The following FAM193A variants were observed in gnomAD, a reference collection of about 807,000 sequenced individuals.
FAM193A encodes protein FAM193A.
Under a neutral mutation model 126.5 loss-of-function variants are expected in FAM193A, and 22 were observed. The ratio of observed to expected loss-of-function variants is 0.17; its 90% CI spans 0.12 to 0.25. The LOEUF (loss-of-function observed/expected upper bound fraction) is 0.25, where lower values mean the gene tolerates loss of function less well. FAM193A is among the 10% of genes least tolerant of loss of function. The probability of loss-of-function intolerance (pLI) is 1.00; values close to 1 mark genes in which losing one functional copy is unlikely to be tolerated. For missense variants in FAM193A, 1,675 were observed against 1,672.8 expected (o/e 1.00, Z -0.02); for synonymous variants, 761 against 646.8 (o/e 1.18, Z -2.68).
At chr4:2,603,000 G>C (rs1431047391) in intron 2 of FAM193A, among the ~76,000 whole-genome samples, 2 of 98,646 alleles carry the variant, frequency 2.0e-5, no homozygotes, top group Non-Finnish European at 3.5e-5. Flanking sequence ...ACGAAGTCTC[G>C]CTCTATTGCC....
chr4:2,567,194 C>T lies in FAM193A; in HGVS notation c.256-28890C>T, dbSNP rs190482096. Among the ~76,000 whole-genome samples, 507 of 152,016 alleles carry T rather than the reference C, an allele frequency of 3.3e-3. 2 individuals are homozygous for T. Among genetic ancestry groups the T allele is most frequent in the African/African-American group, 0.011 (470 of 41,462 alleles). On this transcript the variant is annotated intron_variant, in intron 1 of 20. Transcript: ENST00000637812. ...CGATCTCCTGACCTCGTGATCCACC[C>T]GCCTTTGCCTCCCAAAGTGCTGGGA...
At position 2,696,561 on chromosome 4, in the gene FAM193A, G is replaced by T. The variant is rs759018767; in HGVS notation, c.3475G>T (p.Ala1159Ser). The T allele has an allele frequency of 6.2e-7, 1 of 1,614,214 alleles. No homozygotes were observed. Among genetic ancestry groups the T allele is most frequent in the East Asian group, 2.2e-5 (1 of 44,878 alleles). The change falls in exon 18 of 21, where the codon GCA becomes TCA. Residue 1159 changes from alanine (A) to serine (S), a missense_variant. By Grantham distance (99) the Ala-to-Ser change is moderately conservative. This residue lies in a region of FAM193A where 415 missense variants were observed against 396.7 expected (regional missense o/e 1.05). Transcript: ENST00000637812. ...AACCAAACCAGTGAGCAGCACGCGT[G>T]CAGCGAAGCGAGCAAGGCATAAGCA... ...SETKPVSSTR[A>S]AKRARHKQRK...
chr4:2,711,550 G>A lies in FAM193A; in HGVS notation c.4373-4473G>A, dbSNP rs570920766. ...CGACGGAGTTTCACCATCTTGGCCA[G>A]GCTGGTCTTGAACTCCTGACCTCAG... On this transcript the variant is annotated intron_variant, in intron 19 of 20. Coordinates refer to ENST00000637812, the MANE Select transcript of FAM193A (RefSeq NM_001366318.2). Among the ~76,000 whole-genome samples the A allele has an allele frequency of 2.2e-4, 34 of 151,268 alleles. No individual in the cohort carries two copies. In the East Asian group the frequency reaches 5.0e-3, roughly 22 times the overall value.
intron 19 of FAM193A, among the ~76,000 whole-genome samples, chr4:2,714,231 C>G (rs1046172552): frequency 1.3e-5 from 2 of 152,118 alleles, no homozygotes; most frequent in Middle Eastern, 3.2e-3. Context: ...CATCAGCAGA[C>G]GGTGTTCTGT....
intron 1 of FAM193A, among the ~76,000 whole-genome samples, chr4:2,566,336 C>T (rs560176664): frequency 3.3e-5 from 5 of 152,244 alleles, no homozygotes; most frequent in South Asian, 2.1e-4. Context: ...CGTGAGCCAC[C>T]GCGCCTGGCC....
chr4:2,638,200 G>A (rs970933606), intron 5 of FAM193A, among the ~76,000 whole-genome samples: 1 of 152,250 alleles, frequency 6.6e-6, no homozygotes, highest in African/African-American at 2.4e-5. Flanking sequence ...TCTTTGTCTT[G>A]TAGCTGAATC....
At chr4:2,655,254 A>C (rs556930072) in intron 7 of FAM193A, 1 of 466,134 alleles carries the variant, frequency 2.1e-6, no homozygotes, top group Non-Finnish European at 3.9e-6. Context: ...AAACAGGAAG[A>C]TGTCAAAATT....
intron 1 of FAM193A, among the ~76,000 whole-genome samples, chr4:2,576,555 C>T (rs1315312264): frequency 6.6e-6 from 1 of 152,130 alleles, no homozygotes; most frequent in Non-Finnish European, 1.5e-5. Context: ...GTCTGGGTGA[C>T]ATAGTGATAC....
chr4:2,683,008 G>T (rs1034381744), intron 13 of FAM193A, among the ~76,000 whole-genome samples: 5 of 152,190 alleles, frequency 3.3e-5, no homozygotes, highest in African/African-American at 9.6e-5. Flanking sequence ...GACATTTCTT[G>T]CAGGGCAGGT....
intron 19 of FAM193A, among the ~76,000 whole-genome samples, chr4:2,702,781 C>T (rs1239326832): frequency 6.6e-6 from 1 of 152,190 alleles, no homozygotes; most frequent in Non-Finnish European, 1.5e-5. Flanking sequence ...TGGAAAACTC[C>T]GGGCATGCTT....
intron 20 of FAM193A, among the ~76,000 whole-genome samples, chr4:2,721,813 T>C (rs983877305): frequency 1.3e-5 from 2 of 152,226 alleles, no homozygotes; most frequent in African/African-American, 4.8e-5. Flanking sequence ...CTAGAGGTTC[T>C]CCTGCATGTC....
Position 2,637,714 on chromosome 4 carries a change from C to T in FAM193A, c.1039-2021C>T, listed in dbSNP as rs557433918. Among the ~76,000 whole-genome samples the T allele has an allele frequency of 7.2e-5, 11 of 152,298 alleles. No homozygotes were observed. The South Asian group carries it at 8.3e-4, about 11-fold the overall frequency. On this transcript the variant is annotated intron_variant, in intron 5 of 20. Transcript: ENST00000637812. ...CTGCAGAGCCCACCCCTGCATGCCC[C>T]GGTCCAGTTATTTGAGCCCCTCTAT...
chr4:2,575,546 A>C (rs1421434052), intron 1 of FAM193A, among the ~76,000 whole-genome samples: 1 of 147,798 alleles, frequency 6.8e-6, no homozygotes, highest in African/African-American at 2.5e-5. Flanking sequence ...GGCTCGCTGC[A>C]ACCTCTGCTT....
rs1330811322 is a variant in FAM193A, at chr4:2,596,062, G to T, written c.256-22G>T. On this transcript the variant is annotated intron_variant, in intron 1 of 20. Coordinates refer to ENST00000637812, the MANE Select transcript of FAM193A (RefSeq NM_001366318.2). ...CTTTGTAGATGAGGTTTTGAAAATAGAATTTTTTTTTTCTATTCCAGACTC... is the reference window on the plus strand; with the variant it reads ...CTTTGTAGATGAGGTTTTGAAAATATAATTTTTTTTTTCTATTCCAGACTC... 4.4e-6 allele frequency: 3 copies of T among 681,162 alleles called. No homozygotes were observed. In the South Asian group the frequency reaches 4.7e-5, roughly 11 times the overall value. The allele number at this position is 681,162 out of a possible 1,614,324, so 42.2% of individuals were successfully genotyped here.
chr4:2,576,682 T>C (rs1000305227), intron 1 of FAM193A, among the ~76,000 whole-genome samples: 24 of 152,216 alleles, frequency 1.6e-4, no homozygotes, highest in African/African-American at 5.8e-4. Context: ...CCTTATTTCT[T>C]AGAGGCAAAC....
rs1170682908 is a variant in FAM193A at position 2,731,851 on chromosome 4, A to G, written c.4531A>G (p.Thr1511Ala). 6.2e-7 allele frequency: 1 copy of G among 1,613,700 alleles called. No homozygotes were observed. The highest frequency in any genetic ancestry group is 1.1e-5 in the South Asian group (1 of 91,072). Residue 1511 changes from threonine to alanine, a missense_variant, in exon 21 of 21, where the codon ACC becomes GCC. This residue lies in a region of FAM193A where 20 missense variants were observed against 52.2 expected (regional missense o/e 0.38). Transcript: ENST00000637812. ...NWSNFSLKKA[T>A]FAAH The stretch of plus-strand genomic sequence containing the variant: ...GTCCAATTTTAGCTTGAAAAAAGCC[A>G]CCTTTGCTGCCCACTGAATGAGGAC...
intron 13 of FAM193A, among the ~76,000 whole-genome samples, chr4:2,674,624 A>G (rs1420178353): frequency 1.3e-5 from 2 of 152,100 alleles, no homozygotes; most frequent in African/African-American, 4.8e-5. Context: ...ATGTCATTGT[A>G]GTTGTAATTC....
chr4:2,703,643 T>C (rs1398660002), intron 19 of FAM193A, among the ~76,000 whole-genome samples: 1 of 152,132 alleles, frequency 6.6e-6, no homozygotes, highest in African/African-American at 2.4e-5. Context: ...TTGGAGCACT[T>C]TCCCAGAAGG....
chr4:2,727,389 A>T (rs1276061685), intron 20 of FAM193A, among the ~76,000 whole-genome samples: 2 of 145,094 alleles, frequency 1.4e-5, no homozygotes, highest in Admixed American at 1.4e-4. Context: ...TGTAAATCTT[A>T]CTTACTTATT....
Sources: gnomAD v4.1 joint callset for allele counts (sites outside exome capture counted in the v4.1 genomes callset) on GRCh38, gnomAD v4.1.1 for gene constraint, gnomAD v4.1.1 regional missense constraint, MANE v1.5 for transcripts, NCBI Gene and HGNC (gene_info 2026-07-23, HGNC 2026-07-21) for gene names.